MAML2: variants seen among roughly 807,000 people sequenced by gnomAD.
MAML2 encodes mastermind like transcriptional coactivator 2.
A neutral mutation model predicts 96.1 loss-of-function variants in MAML2; 22 were observed. The ratio of observed to expected loss-of-function variants is 0.23; its 90% CI spans 0.16 to 0.33. MAML2 has a LOEUF of 0.33. Ranked by LOEUF, MAML2 falls within the 10% of genes least tolerant of loss-of-function variation. The pLI is 1.00. For synonymous variants in MAML2, 561 were observed against 521.3 expected, an observed-to-expected ratio of 1.08 and a Z score of -1.04; for missense variants, 1,367 against 1,392.4, an observed-to-expected ratio of 0.98 and a Z score of 0.29.
Position 95,979,154 on chromosome 11 carries a change from A to C in MAML2, c.3265T>G (p.Ser1089Ala). The change falls in exon 5 of 5, where the codon TCA becomes GCA. Residue 1089 changes from serine to alanine, a missense_variant. Transcript: ENST00000524717. Reference protein sequence around the residue: ...PPSLTPSNFPSPNQSSRAFQG... With the variant: ...PPSLTPSNFPAPNQSSRAFQG... ...AAAGCCCTGGAACTTTGGTTGGGTGAAGGAAAATTGCTGGGCGTCAGGGAT... is the reference window on the plus strand; with the variant it reads ...AAAGCCCTGGAACTTTGGTTGGGTGCAGGAAAATTGCTGGGCGTCAGGGAT... 2 of 1,613,986 alleles carry C rather than the reference A, an allele frequency of 1.2e-6. No homozygotes were observed. The highest frequency in any genetic ancestry group is 1.7e-6 in the Non-Finnish European group (2 of 1,179,880).
chr11:96,316,772 T>C, intron 1 of MAML2, among the ~76,000 whole-genome samples: 1 of 152,186 alleles, frequency 6.6e-6, no homozygotes, highest in Non-Finnish European at 1.5e-5. Context: ...CTTTTGTTGC[T>C]GTACTCAGTA....
chr11:96,115,385 G>C (rs55794471), intron 1 of MAML2, among the ~76,000 whole-genome samples: 2,033 of 151,704 alleles, frequency 0.013, 38 homozygotes, highest in African/African-American at 0.046. Context: ...TGCCCAGGCT[G>C]GTCGTGAACT....
rs570896817 is a variant in MAML2 at position 96,241,536 on chromosome 11, T to A, written c.513+99847A>T. Among the ~76,000 whole-genome samples, 10 of 152,332 alleles carry A rather than the reference T, an allele frequency of 6.6e-5. No homozygotes were observed. The South Asian group carries it at 2.1e-3, about 32-fold the overall frequency. On this transcript the variant is annotated intron_variant, in intron 1 of 4. Coordinates refer to ENST00000524717, the MANE Select transcript of MAML2 (RefSeq NM_032427.4). Reference sequence around the variant, plus strand: ...GCCAGAGATGCTGGTAAATATCTTATAATGCACAGGACAGCCCCATACAAA... The same window carrying A: ...GCCAGAGATGCTGGTAAATATCTTAAAATGCACAGGACAGCCCCATACAAA...
intron 1 of MAML2, among the ~76,000 whole-genome samples, chr11:96,103,548 G>T (rs1434933261): frequency 6.6e-6 from 1 of 152,136 alleles, no homozygotes. Flanking sequence ...CTACCAAAAA[G>T]GTCCCTTCTT....
intron 1 of MAML2, among the ~76,000 whole-genome samples, chr11:96,201,835 C>T (rs371911215): frequency 8.6e-5 from 13 of 150,924 alleles, no homozygotes; most frequent in African/African-American, 2.4e-4. Flanking sequence ...AGGAGAGTGG[C>T]GTGAACCTGG....
intron 1 of MAML2, among the ~76,000 whole-genome samples, chr11:96,110,998 A>G (rs1245103028): frequency 6.6e-6 from 1 of 152,170 alleles, no homozygotes; most frequent in Non-Finnish European, 1.5e-5. Flanking sequence ...GATGCCTATC[A>G]TGTATTATCA....
intron 1 of MAML2, among the ~76,000 whole-genome samples, chr11:96,296,649 A>G (rs900971583): frequency 6.6e-6 from 1 of 152,172 alleles, no homozygotes; most frequent in Non-Finnish European, 1.5e-5. Flanking sequence ...ATCTCCAAAA[A>G]ATAAAATTAA....
intron 1 of MAML2, among the ~76,000 whole-genome samples, chr11:96,330,384 G>A (rs1421950459): frequency 6.6e-6 from 1 of 152,312 alleles, no homozygotes; most frequent in East Asian, 1.9e-4. Flanking sequence ...TTTTGAGACA[G>A]CTACTATTAT....
chr11:96,294,483 A>G (rs1196831066), intron 1 of MAML2, among the ~76,000 whole-genome samples: 1 of 152,226 alleles, frequency 6.6e-6, no homozygotes, highest in Non-Finnish European at 1.5e-5. Flanking sequence ...TTGTAGCTAA[A>G]TGATTGACAT....
chr11:96,083,298 C>T (rs750736520), intron 2 of MAML2, among the ~76,000 whole-genome samples: 28 of 152,158 alleles, frequency 1.8e-4, no homozygotes, highest in Non-Finnish European at 3.5e-4. Flanking sequence ...ACTACCTGTG[C>T]AGTTTTTTTC....
intron 2 of MAML2, among the ~76,000 whole-genome samples, chr11:96,000,626 T>C (rs1028989182): frequency 9.2e-5 from 14 of 152,156 alleles, no homozygotes; most frequent in African/African-American, 3.4e-4. Flanking sequence ...ATAAGAAATA[T>C]TTATCATAAA....
intron 1 of MAML2, among the ~76,000 whole-genome samples, chr11:96,235,114 T>A (rs1376860218): frequency 6.6e-6 from 1 of 152,170 alleles, no homozygotes; most frequent in Non-Finnish European, 1.5e-5. Context: ...TCTGGACCTA[T>A]GAAAAATTGA....
At chr11:96,312,219 CAA>C (rs34658278) in intron 1 of MAML2, among the ~76,000 whole-genome samples, 14,613 of 50,316 alleles carry the variant, frequency 0.29, 787 homozygotes, top group Middle Eastern at 0.38. Context: ...GACTCTATCT[CAA>C]AAAAAAAAAA....
At chr11:96,058,122 C>A (rs911710216) in intron 2 of MAML2, among the ~76,000 whole-genome samples, 1 of 152,078 alleles carries the variant, frequency 6.6e-6, no homozygotes, top group Non-Finnish European at 1.5e-5. Context: ...GATTTGGGGA[C>A]CAAAATTCCA....
intron 1 of MAML2, among the ~76,000 whole-genome samples, chr11:96,183,742 C>T (rs1019302865): frequency 2.6e-5 from 4 of 152,104 alleles, no homozygotes; most frequent in Non-Finnish European, 4.4e-5. Context: ...TGTTTCAGAG[C>T]AGTCTTAGGT....
At chr11:96,065,415 GCA>G (rs35035966) in intron 2 of MAML2, among the ~76,000 whole-genome samples, 91,265 of 149,378 alleles carry the variant, frequency 0.61, 28,272 homozygotes, top group Non-Finnish European at 0.66. Context: ...GTGCGTGCAT[GCA>G]CACACACACA....
intron 1 of MAML2, among the ~76,000 whole-genome samples, chr11:96,275,512 A>G (rs1214674851): frequency 7.9e-5 from 12 of 151,902 alleles, no homozygotes; most frequent in East Asian, 1.9e-4. Context: ...CTCGTGATCC[A>G]CCCGCCTTGA....
Position 95,976,884 on chromosome 11 carries a change from T to A in MAML2, c.*2064A>T, listed in dbSNP as rs554639483. 2 of 188,912 alleles carry A rather than the reference T, an allele frequency of 1.1e-5. No homozygotes were observed. The highest frequency in any genetic ancestry group is 1.7e-4 in the East Asian group (2 of 11,860). The allele number at this position is 188,912 out of a possible 1,614,324, so 11.7% of individuals were successfully genotyped here. ...TTTTGTATGGAGAAATGCTGCCTTA[T>A]AAAATCGGAAAACACACAGTAGACT... On this transcript the variant is annotated 3_prime_UTR_variant, in exon 5 of 5. Transcript: ENST00000524717.
intron 2 of MAML2, among the ~76,000 whole-genome samples, chr11:96,059,663 C>T (rs1859123702): frequency 6.6e-6 from 1 of 152,058 alleles, no homozygotes. Context: ...CATCCTAATC[C>T]AAAAATCTGA....
Sources: gnomAD v4.1 joint callset for allele counts (sites outside exome capture counted in the v4.1 genomes callset) on GRCh38, gnomAD v4.1.1 for gene constraint, MANE v1.5 for transcripts, NCBI Gene and HGNC (gene_info 2026-07-23, HGNC 2026-07-21) for gene names.